The following MSN variants were observed in gnomAD, a reference collection of about 807,000 sequenced individuals.
MSN encodes epididymis luminal protein 70.
Under a neutral mutation model 48.0 loss-of-function variants are expected in MSN, and 2 were observed. The ratio of observed to expected loss-of-function variants is 0.04; its 90% CI spans 0.02 to 0.13. The LOEUF is 0.13. MSN is among the 10% of genes least tolerant of loss of function. The pLI is 1.00. For synonymous variants in MSN, 146 were observed against 166.9 expected, an observed-to-expected ratio of 0.87 and a Z score of 0.97; for missense variants, 267 against 470.1, an observed-to-expected ratio of 0.57 and a Z score of 3.99.
intron 1 of MSN, among the ~76,000 whole-genome samples, chrX:65,643,185 C>G (rs1180391112): frequency 9.0e-6 from 1 of 111,572 alleles, no homozygotes; most frequent in African/African-American, 3.3e-5. Flanking sequence ...TTTCAAGATA[C>G]CTCCCCAATG....
At chrX:65,608,489 G>A (rs2070295368) in intron 1 of MSN, among the ~76,000 whole-genome samples, 1 of 110,429 alleles carries the variant, frequency 9.1e-6, no homozygotes, top group African/African-American at 3.3e-5. Flanking sequence ...GAAAGTTGTG[G>A]GTGTCAGTGT....
chrX:65,588,526 C>A, exon 1 of MSN: 1 of 800,003 alleles, frequency 1.3e-6, no homozygotes, highest in Non-Finnish European at 1.5e-6. Flanking sequence ...GCTGGCCACA[C>A]CACCCATCAG....
At chrX:65,622,096 CTTT>C (rs757740196) in intron 1 of MSN, among the ~76,000 whole-genome samples, 16 of 90,626 alleles carry the variant, frequency 1.8e-4, no homozygotes, top group African/African-American at 5.4e-4. Flanking sequence ...CTTTTCTTTT[CTTT>C]TTTTTTTTTT....
At chrX:65,590,181 A>G (rs2070134770) in intron 1 of MSN, among the ~76,000 whole-genome samples, 1 of 111,271 alleles carries the variant, frequency 9.0e-6, no homozygotes, top group Admixed American at 9.6e-5. Context: ...CATATTCAGC[A>G]GCTGCACTGC....
upstream of MSN, among the ~76,000 whole-genome samples, chrX:65,666,413 G>A (rs1341100172): frequency 9.1e-6 from 1 of 109,736 alleles, no homozygotes; most frequent in Non-Finnish European, 1.9e-5. Flanking sequence ...TGTAACCTCC[G>A]CCTCCCGGGT....
intron 1 of MSN, among the ~76,000 whole-genome samples, chrX:65,617,316 C>G (rs1179852785): frequency 6.3e-5 from 7 of 110,693 alleles, no homozygotes; most frequent in Admixed American, 3.8e-4. Context: ...GTAGAATTCG[C>G]CTGTGAATCC....
intron 1 of MSN, among the ~76,000 whole-genome samples, chrX:65,616,023 C>T (rs1263401994): frequency 6.5e-4 from 72 of 110,698 alleles, no homozygotes; most frequent in Non-Finnish European, 1.1e-3. Context: ...TGTAGATATG[C>T]GGCGTTATTT....
rs139877041 is a variant in MSN at position 65,590,843 on chromosome X, C to T, written c.-22+2231C>T. Among the ~76,000 whole-genome samples, 188 of 111,315 alleles carry T rather than the reference C, an allele frequency of 1.7e-3. 1 individual carries two copies. Among genetic ancestry groups the T allele is most frequent in the Admixed American group, 4.6e-3 (48 of 10,473 alleles). ...AGCAGCAGCAGTAGCAGCAGAACAA[C>T]GGTTTTGTTTACCACTGTGCCCCAC... On this transcript the variant is annotated intron_variant, in intron 1 of 3. Coordinates refer to the MSN transcript ENST00000609672.
chrX:65,702,618 A>T (rs1161132454), intron 1 of MSN, among the ~76,000 whole-genome samples: 1 of 110,384 alleles, frequency 9.1e-6, no homozygotes, highest in East Asian at 2.9e-4. Flanking sequence ...GTGAGCCAAG[A>T]TCACGCCATT....
chrX:65,607,588 A>C (rs1324320817), intron 1 of MSN, among the ~76,000 whole-genome samples: 1 of 111,567 alleles, frequency 9.0e-6, no homozygotes, highest in Non-Finnish European at 1.9e-5. Flanking sequence ...CTGAGAGTTA[A>C]CTTCAGGAAG....
intron 1 of MSN, among the ~76,000 whole-genome samples, chrX:65,680,348 T>C (rs879171811): frequency 8.9e-6 from 1 of 111,879 alleles, no homozygotes; most frequent in South Asian, 3.7e-4. Context: ...AAAGTTCTCC[T>C]TCTTTCCCCC....
intron 1 of MSN, among the ~76,000 whole-genome samples, chrX:65,648,019 G>C (rs1478904207): frequency 9.1e-6 from 1 of 110,218 alleles, no homozygotes; most frequent in Non-Finnish European, 1.9e-5. Flanking sequence ...TTGTCCATTC[G>C]ACTGGGCTGG....
At chrX:65,632,113 C>T (rs2070563534) in intron 1 of MSN, among the ~76,000 whole-genome samples, 1 of 112,231 alleles carries the variant, frequency 8.9e-6, no homozygotes, top group Admixed American at 9.5e-5. Flanking sequence ...ATGTGTCCCC[C>T]AAAAATCATG....
At chrX:65,639,333 C>G (rs987195109) in intron 1 of MSN, among the ~76,000 whole-genome samples, 1 of 110,910 alleles carries the variant, frequency 9.0e-6, no homozygotes, top group African/African-American at 3.3e-5. Context: ...TTAGTAGAGA[C>G]GGGGTTTCAC....
intron 1 of MSN, chrX:65,625,278 G>A (rs2070494844): frequency 8.9e-6 from 1 of 112,044 alleles, no homozygotes; most frequent in Non-Finnish European, 1.9e-5. Flanking sequence ...GTTGTTGAAT[G>A]GAGTGTTCTA....
intron 1 of MSN, among the ~76,000 whole-genome samples, chrX:65,708,346 G>A (rs958849808): frequency 8.9e-6 from 1 of 112,200 alleles, no homozygotes; most frequent in African/African-American, 3.2e-5. Flanking sequence ...AGGCTGGAGT[G>A]CAGTGGCATG....
intron 1 of MSN, among the ~76,000 whole-genome samples, chrX:65,598,663 G>T (rs996229261): frequency 2.7e-5 from 3 of 111,313 alleles, no homozygotes; most frequent in African/African-American, 9.8e-5. Context: ...CCCAAGACTA[G>T]GATAGAGTAG....
intron 1 of MSN, among the ~76,000 whole-genome samples, chrX:65,658,366 T>A (rs2070797225): frequency 8.9e-6 from 1 of 111,938 alleles, no homozygotes; most frequent in Non-Finnish European, 1.9e-5. Flanking sequence ...TTTTTTCTCA[T>A]CTGTCTCTGA....
chrX:65,737,287 G>C lies in MSN; in HGVS notation c.1200G>C (p.Lys400Asn). The change falls in exon 10 of 13, where the codon AAG (lysine) becomes AAC (asparagine). Residue 400 changes from lysine to asparagine, a missense_variant. This residue lies in a region of MSN where 70 missense variants were observed against 76.3 expected (regional missense o/e 0.92). Coordinates refer to ENST00000360270, the MANE Select transcript of MSN (RefSeq NM_002444.3). ...AGCGTCAAGAAGCTGAAGAGGCCAA[G>C]GAGGCCTTGCTGCAGGCCTCCCGGG... Reference protein sequence around the residue: ...AKERQEAEEAKEALLQASRDQ... With the variant: ...AKERQEAEEANEALLQASRDQ... 1.7e-6 allele frequency: 2 copies of C among 1,211,480 alleles called. No homozygotes were observed. The highest frequency in any genetic ancestry group is 2.2e-6 in the Non-Finnish European group (2 of 895,330).
Sources: allele counts gnomAD v4.1 joint callset (sites outside exome capture counted in the v4.1 genomes callset), GRCh38; gene constraint gnomAD v4.1.1; regional missense constraint gnomAD v4.1.1; transcripts MANE v1.5; gene names NCBI Gene and HGNC (gene_info 2026-07-23, HGNC 2026-07-21).